MRPS10: variants seen among roughly 807,000 people sequenced by gnomAD.
MRPS10 encodes the protein small ribosomal subunit protein uS10m.
Under a neutral mutation model 27.5 loss-of-function variants are expected in MRPS10, and 23 were observed. That is an observed-to-expected ratio of 0.84 (90% CI 0.60 to 1.18). The LOEUF is 1.18. Among genes scored for constraint, MRPS10 ranks in the 50% most tolerant of loss-of-function variants. MRPS10 has a pLI of 0.00. For synonymous variants in MRPS10, 88 were observed against 84.2 expected (o/e 1.04, Z -0.25); for missense variants, 237 against 240.1 (o/e 0.99, Z 0.09).
intron 3 of MRPS10, 136 bp from the exon 4 acceptor site, chr6:42,212,053 T>A: frequency 5.5e-6 from 4 of 727,002 alleles, no homozygotes; most frequent in Middle Eastern, 2.9e-4. Flanking sequence ...ACGGCAGTGT[T>A]AGCTGAAGTG....
chr6:42,213,482 TAAGAG>T (rs1768839646), intron 3 of MRPS10, among the ~76,000 whole-genome samples: 1 of 152,000 alleles, frequency 6.6e-6, no homozygotes, highest in African/African-American at 2.4e-5. Flanking sequence ...CAATATCTAT[TAAGAG>T]AAAAGTTAGA....
At chr6:42,217,300 G>T (rs1200633438) in intron 1 of MRPS10, among the ~76,000 whole-genome samples, 1 of 152,172 alleles carries the variant, frequency 6.6e-6, no homozygotes, top group Non-Finnish European at 1.5e-5. Context: ...CAAAAAGCAG[G>T]AGAACCGCTG....
At chr6:42,211,475 G>A (rs1768770283) in intron 4 of MRPS10, among the ~76,000 whole-genome samples, 1 of 152,150 alleles carries the variant, frequency 6.6e-6, no homozygotes, top group African/African-American at 2.4e-5. Context: ...GAGCTCAGGA[G>A]TTCGAGACCA....
intron 1 of MRPS10, among the ~76,000 whole-genome samples, chr6:42,215,283 G>A (rs1332832762): frequency 6.7e-6 from 1 of 148,578 alleles, no homozygotes; most frequent in Admixed American, 6.9e-5. Flanking sequence ...CTAGTTACTT[G>A]GGAGGCTGAG....
chr6:42,213,314 T>C (rs1476237448), intron 3 of MRPS10, among the ~76,000 whole-genome samples: 2 of 152,036 alleles, frequency 1.3e-5, no homozygotes, highest in Non-Finnish European at 2.9e-5. Context: ...CCAGGCATGG[T>C]GGTGTGTGCC....
At chr6:42,214,492 A>T (rs1270021938) in intron 1 of MRPS10, 148 bp from the exon 2 acceptor site, 2 of 550,448 alleles carry the variant, frequency 3.6e-6, no homozygotes, top group Non-Finnish European at 6.3e-6. Flanking sequence ...TGAAAAAAAA[A>T]AGAGGACAAT....
chr6:42,210,766 A>C (rs1293750036), intron 4 of MRPS10, among the ~76,000 whole-genome samples, 170 bp from the exon 5 acceptor site: 6 of 152,246 alleles, frequency 3.9e-5, no homozygotes, highest in Non-Finnish European at 2.9e-5. Flanking sequence ...AACTCAAGCC[A>C]AAATAAACAC....
intron 5 of MRPS10, 57 bp from the exon 6 acceptor site, chr6:42,209,004 TTGTTTTTTTTTTTGAGATGGAGTCTCA>T: frequency 8.7e-7 from 1 of 1,154,662 alleles, no homozygotes. Context: ...GCACGGTTTT[TTGTTTTTTTTTTTGAGATGGAGTCTCA>T]CTCTGTTGCC....
intron 4 of MRPS10, 100 bp downstream of exon 4, chr6:42,211,673 CAAAAAAAA>C: frequency 1.5e-6 from 1 of 674,878 alleles, no homozygotes; most frequent in Non-Finnish European, 2.1e-6. Context: ...GACTCTGTCT[CAAAAAAAA>C]AAAAAAAAAA....
chr6:42,216,313 TGCCCGGCCAAGAA>T lies in MRPS10; in HGVS notation c.48+1476_48+1488del, dbSNP rs370648091. The stretch of plus-strand genomic sequence containing the variant: ...TAGGGATTACAGGCGTGAGCCACCG[TGCCCGGCCAAGAA>T]GTTTTTAAATTGCATTTTTTCTTTG... On this transcript the variant is annotated intron_variant, in intron 1 of 6. Coordinates refer to ENST00000053468, the MANE Select transcript of MRPS10 (RefSeq NM_018141.4). Among the ~76,000 whole-genome samples, 12 of 149,152 alleles carry T rather than the reference TGCCCGGCCAAGAA, an allele frequency of 8.0e-5. No homozygotes were observed. The East Asian group carries it at 2.5e-3, about 31-fold the overall frequency.
chr6:42,208,716 G>A, intron 6 of MRPS10, 142 bp downstream of exon 6: 1 of 625,794 alleles, frequency 1.6e-6, no homozygotes, highest in Non-Finnish European at 2.8e-6. Context: ...CCCAACCGCT[G>A]TGGCAACTGT....
chr6:42,208,778 C>T, intron 6 of MRPS10, 80 bp downstream of exon 6: 1 of 973,900 alleles, frequency 1.0e-6, no homozygotes, highest in Non-Finnish European at 1.6e-6. Context: ...GGGCCAGGAC[C>T]AGGCTGCAAT....
chr6:42,208,100 A>G lies in MRPS10; in HGVS notation c.*189T>C, dbSNP rs1270854142. 1 of 593,336 alleles carries G rather than the reference A, an allele frequency of 1.7e-6. No homozygotes were observed. The highest frequency in any genetic ancestry group is 3.0e-5 in the East Asian group (1 of 32,978). The allele number at this position is 593,336 out of a possible 1,614,324, so 36.8% of individuals were successfully genotyped here. ...GAAATCAGAACTGAAACAATGAATA[A>G]AAAGAATAGATAAAAGTGGTTCTTC... On this transcript the variant is annotated 3_prime_UTR_variant, in exon 7 of 7. Coordinates refer to ENST00000053468, the MANE Select transcript of MRPS10 (RefSeq NM_018141.4).
intron 1 of MRPS10, 60 bp downstream of exon 1, chr6:42,217,742 G>A: frequency 6.4e-7 from 1 of 1,568,614 alleles, no homozygotes; most frequent in Non-Finnish European, 8.8e-7. Context: ...GCTGGTGGCA[G>A]GGAAACTTAA....
At chr6:42,210,687 G>C in intron 4 of MRPS10, 91 bp from the exon 5 acceptor site, 2 of 1,505,292 alleles carry the variant, frequency 1.3e-6, no homozygotes, top group South Asian at 2.5e-5. Flanking sequence ...CTCAATTATA[G>C]GCATTAACTA....
chr6:42,211,115 C>A (rs536829133), intron 4 of MRPS10, among the ~76,000 whole-genome samples: 22 of 152,308 alleles, frequency 1.4e-4, no homozygotes, highest in African/African-American at 5.1e-4. Flanking sequence ...ACAAAGGAGA[C>A]AGTTATGCTT....
In MRPS10 at chr6:42,208,731, C is replaced by T. The variant is rs1334557345; in HGVS notation, c.522+127G>A. 3 of 658,550 alleles carry T rather than the reference C, an allele frequency of 4.6e-6. No homozygotes were observed. The Admixed American group carries it at 9.8e-5, about 22-fold the overall frequency. The allele number at this position is 658,550 out of a possible 1,614,324, so 40.8% of individuals were successfully genotyped here. A position where few individuals can be genotyped will look rare whatever the true frequency, so the allele number is the denominator to read the frequency against. ...CCCAACCGCTGTGGCAACTGTGTCT[C>T]CCAGTTTGCCACAGTTTAGGGCAAA... On this transcript the variant is annotated intron_variant, in intron 6 of 6. Transcript: ENST00000053468.
chr6:42,211,708 G>A, intron 4 of MRPS10, 73 bp downstream of exon 4: 1 of 1,347,774 alleles, frequency 7.4e-7, no homozygotes, highest in Non-Finnish European at 1.0e-6. Context: ...AGACCTTCCT[G>A]GGATGAGCAC....
intron 1 of MRPS10, among the ~76,000 whole-genome samples, chr6:42,217,382 T>G (rs1399506706): frequency 1.3e-5 from 2 of 152,194 alleles, no homozygotes; most frequent in Non-Finnish European, 2.9e-5. Context: ...GCTTGAGACC[T>G]TCATCTAAAT....
Sources: gnomAD v4.1 joint callset for allele counts (sites outside exome capture counted in the v4.1 genomes callset) on GRCh38, gnomAD v4.1.1 for gene constraint, MANE v1.5 for transcripts, NCBI Gene and HGNC (gene_info 2026-07-23, HGNC 2026-07-21) for gene names.